Variants in LAMA3 observed in about 807,000 individuals in gnomAD.
LAMA3 encodes the protein laminin subunit alpha-3.
In LAMA3, 281 loss-of-function variants were observed where a neutral mutation model predicts 402.0. The ratio of observed to expected loss-of-function variants is 0.70; its 90% CI spans 0.63 to 0.77. The LOEUF (loss-of-function observed/expected upper bound fraction) is 0.77, where lower values mean the gene tolerates loss of function less well. Among genes scored for constraint, LAMA3 ranks in the 30% least tolerant of loss-of-function variants. The pLI is 0.00. For synonymous variants in LAMA3, 1,431 were observed against 1,558.4 expected (o/e 0.92, Z 1.93); for missense variants, 3,840 against 4,215.5 (o/e 0.91, Z 2.47).
At position 23,899,569 on chromosome 18, in the gene LAMA3, G is replaced by A. The variant is rs147511908; in HGVS notation, c.6004+114G>A. On this transcript the variant is annotated intron_variant, in intron 47 of 74. Transcript: ENST00000313654. ...AGGTGGAAGGCCTCATGGTTTCAGC[G>A]AATATTACTGTTAGAGCATCACGTG... is the stretch of plus-strand genomic sequence containing the variant. 3.3e-4 allele frequency: 343 copies of A among 1,050,264 alleles called. No individual in the cohort carries two copies. The African/African-American group carries it at 4.8e-3, about 15-fold the overall frequency. 65.1% of individuals were successfully genotyped at this position (1,050,264 alleles called of 1,614,324 possible). A position where few individuals can be genotyped will look rare whatever the true frequency, so the allele number is the denominator to read the frequency against.
chr18:23,764,896 G>A (rs1411901323), intron 8 of LAMA3, among the ~76,000 whole-genome samples: 1 of 152,090 alleles, frequency 6.6e-6, no homozygotes, highest in Non-Finnish European at 1.5e-5. Context: ...TCCCATGGAG[G>A]ATTGGTCTCA....
intron 47 of LAMA3, chr18:23,899,660 T>C: frequency 1.9e-6 from 1 of 526,750 alleles, no homozygotes; most frequent in Non-Finnish European, 3.4e-6. Context: ...CAGCTTACCA[T>C]CATGCAAAGA....
Position 23,724,215 on chromosome 18 carries a change from C to T in LAMA3, c.447+10143C>T, listed in dbSNP as rs114082550. ...TTGCTACGAATGCTATTAATTCATT[C>T]CTTTTTATGGCTGAGTAATAGTCAA... On this transcript the variant is annotated intron_variant, in intron 2 of 74. Transcript: ENST00000313654. Among the ~76,000 whole-genome samples the T allele has an allele frequency of 1.1e-4, 17 of 152,272 alleles. No homozygotes were observed. The South Asian group carries it at 3.5e-3, about 32-fold the overall frequency.
At chr18:23,945,493 T>G (rs999538059) in intron 69 of LAMA3, among the ~76,000 whole-genome samples, 1 of 152,090 alleles carries the variant, frequency 6.6e-6, no homozygotes, top group Non-Finnish European at 1.5e-5. Flanking sequence ...TGGGGGAGAA[T>G]GAGGATTTCT....
intron 48 of LAMA3, among the ~76,000 whole-genome samples, 191 bp from the exon 49 acceptor site, chr18:23,902,818 G>T (rs565104276): frequency 3.6e-4 from 55 of 152,266 alleles, no homozygotes; most frequent in African/African-American, 1.3e-3. Flanking sequence ...ATCATTTAAG[G>T]AAACTATGGT....
chr18:23,811,881 TA>T (rs2063075840), intron 13 of LAMA3, among the ~76,000 whole-genome samples: 1 of 150,896 alleles, frequency 6.6e-6, no homozygotes, highest in African/African-American at 2.5e-5. Flanking sequence ...GATTTTATTT[TA>T]TTTTTTTTTG....
intron 8 of LAMA3, among the ~76,000 whole-genome samples, chr18:23,772,197 A>G (rs768447496): frequency 9.9e-5 from 15 of 152,082 alleles, no homozygotes; most frequent in Non-Finnish European, 2.2e-4. Context: ...GTGTGCCACC[A>G]TGCCCGGCTA....
At chr18:23,926,215 A>G (rs2081998640) in intron 62 of LAMA3, among the ~76,000 whole-genome samples, 1 of 152,236 alleles carries the variant, frequency 6.6e-6, no homozygotes, top group Non-Finnish European at 1.5e-5. Context: ...TCAAAAGCTT[A>G]TTGTAAGTTG....
At chr18:23,810,759 T>C (rs1241520229) in intron 13 of LAMA3, among the ~76,000 whole-genome samples, 1 of 152,208 alleles carries the variant, frequency 6.6e-6, no homozygotes, top group Non-Finnish European at 1.5e-5. Context: ...GTGCTATACA[T>C]GTGGGTTTCT....
chr18:23,802,775 T>C (rs2062888996), intron 12 of LAMA3, among the ~76,000 whole-genome samples: 1 of 152,230 alleles, frequency 6.6e-6, no homozygotes, highest in African/African-American at 2.4e-5. Context: ...TTTCTACCTC[T>C]TGATTCCTGA....
chr18:23,873,459 C>T (rs2064600535), intron 38 of LAMA3, among the ~76,000 whole-genome samples: 1 of 152,158 alleles, frequency 6.6e-6, no homozygotes, highest in South Asian at 2.1e-4. Flanking sequence ...AGCTTGAATG[C>T]TTGCGGGATG....
intron 62 of LAMA3, among the ~76,000 whole-genome samples, chr18:23,922,095 C>T (rs12969459): frequency 0.52 from 78,644 of 151,862 alleles, 23,183 homozygotes; most frequent in Non-Finnish European, 0.68. Flanking sequence ...GATGAGTGAA[C>T]ACATGAATTA....
At position 23,864,851 on chromosome 18, in the gene LAMA3, C is replaced by A. The variant is rs1180266575; in HGVS notation, c.4651C>A (p.Leu1551Ile). ...CTTTGGCTTGCCTGGCGACATGGTT[C>A]TTCTGGAAAAGAAGCCGGATGTACA... is the stretch of plus-strand genomic sequence containing the variant. ...KSFGLPGDMV[L>I]LEKKPDVQLT... is the part of the protein sequence containing the mutation. Residue 1551 changes from leucine to isoleucine, a missense_variant, in exon 36 of 75, where the codon CTT becomes ATT. Leu to Ile is a conservative substitution (Grantham distance 5). Around this residue, in one of 3 missense-constraint regions of LAMA3, gnomAD observed 2,109 missense variants for 2,376.0 expected, o/e 0.89. Coordinates refer to ENST00000313654, the MANE Select transcript of LAMA3 (RefSeq NM_198129.4). The A allele has an allele frequency of 5.0e-6, 8 of 1,613,520 alleles. No homozygotes were observed. The East Asian group carries it at 1.6e-4, about 31-fold the overall frequency.
intron 11 of LAMA3, among the ~76,000 whole-genome samples, chr18:23,781,780 A>G (rs2062443046): frequency 6.6e-6 from 1 of 152,146 alleles, no homozygotes; most frequent in South Asian, 2.1e-4. Context: ...AAATTTTATG[A>G]CCTGCTTTTA....
At chr18:23,888,922 T>A (rs1364117010) in intron 41 of LAMA3, among the ~76,000 whole-genome samples, 1 of 136,810 alleles carries the variant, frequency 7.3e-6, no homozygotes, top group Non-Finnish European at 1.6e-5. Flanking sequence ...AGCATGAATA[T>A]GTGCTTATTT....
At chr18:23,817,077 C>G (rs558766007) in intron 18 of LAMA3, among the ~76,000 whole-genome samples, 1 of 151,956 alleles carries the variant, frequency 6.6e-6, no homozygotes, top group Non-Finnish European at 1.5e-5. Flanking sequence ...CCCAGGGTTG[C>G]GGTGGGGGTA....
At chr18:23,861,148 A>G (rs1389219542) in intron 34 of LAMA3, among the ~76,000 whole-genome samples, 2 of 151,418 alleles carry the variant, frequency 1.3e-5, no homozygotes, top group Non-Finnish European at 2.9e-5. Flanking sequence ...GCATTAATCC[A>G]ATCCTATGCT....
chr18:23,871,620 A>T lies in LAMA3; in HGVS notation c.4957A>T (p.Ile1653Phe). ...TGGGCGCATAGCACTTGCTGTGGAAATCTGTGCCTGCCCCCCTGCCTACGC... is the reference window on the plus strand; with the variant it reads ...TGGGCGCATAGCACTTGCTGTGGAATTCTGTGCCTGCCCCCCTGCCTACGC... ...GSGRIALAVEICACPPAYAGD... is the reference protein window; with the variant it reads ...GSGRIALAVEFCACPPAYAGD... Residue 1653 changes from isoleucine (I) to phenylalanine (F), a missense_variant, in exon 38 of 75, where the codon ATC becomes TTC. This residue lies in a region of LAMA3 where 2,109 missense variants were observed against 2,376.0 expected (regional missense o/e 0.89). Coordinates refer to ENST00000313654, the MANE Select transcript of LAMA3 (RefSeq NM_198129.4). The T allele has an allele frequency of 6.2e-7, 1 of 1,613,388 alleles. No homozygotes were observed. Among genetic ancestry groups the T allele is most frequent in the Non-Finnish European group, 8.5e-7 (1 of 1,179,680 alleles).
chr18:23,758,422 C>A lies in LAMA3; in HGVS notation c.974C>A (p.Thr325Asn). The change falls in exon 7 of 75, where the codon ACC becomes AAC. Residue 325 changes from threonine to asparagine, a missense_variant. This residue lies in a region of LAMA3 where 2,109 missense variants were observed against 2,376.0 expected (regional missense o/e 0.89). Coordinates refer to ENST00000313654, the MANE Select transcript of LAMA3 (RefSeq NM_198129.4). ...KLFRCECQHHTCGETCDRCCT... is the reference protein window; with the variant it reads ...KLFRCECQHHNCGETCDRCCT... ...TTTCGGTGTGAATGCCAGCACCACA[C>A]CTGTGGGGAGACGTGTGATCGCTGC... is the stretch of plus-strand genomic sequence containing the variant. 2 of 1,614,176 alleles carry A rather than the reference C, an allele frequency of 1.2e-6. No individual in the cohort carries two copies. Among genetic ancestry groups the A allele is most frequent in the Non-Finnish European group, 1.7e-6 (2 of 1,180,004 alleles).
Sources: allele counts gnomAD v4.1 joint callset (sites outside exome capture counted in the v4.1 genomes callset), GRCh38; gene constraint gnomAD v4.1.1; regional missense constraint gnomAD v4.1.1; transcripts MANE v1.5; gene names NCBI Gene and HGNC (gene_info 2026-07-23, HGNC 2026-07-21).